Variants in STRIP2 observed in about 807,000 individuals in gnomAD.
STRIP2 encodes striatin-interacting protein 2.
Under a neutral mutation model 107.1 loss-of-function variants are expected in STRIP2, and 84 were observed. That is an observed-to-expected ratio of 0.78 (90% CI 0.66 to 0.94). STRIP2 has a LOEUF of 0.94. Among genes scored for constraint, STRIP2 ranks in the 40% least tolerant of loss-of-function variants. STRIP2 has a pLI of 0.00. For missense variants in STRIP2, 888 were observed against 1,034.2 expected, an observed-to-expected ratio of 0.86 and a Z score of 1.94; for synonymous variants, 394 against 400.4, an observed-to-expected ratio of 0.98 and a Z score of 0.19.
At chr7:129,459,668 T>A (rs1357875066) in intron 12 of STRIP2, 88 bp downstream of exon 12, 1 of 1,108,410 alleles carries the variant, frequency 9.0e-7, no homozygotes, top group Non-Finnish European at 1.4e-6. Context: ...GGTGGGGCTT[T>A]TATACCAGAC....
intron 13 of STRIP2, among the ~76,000 whole-genome samples, chr7:129,462,144 A>G (rs1418834990): frequency 6.6e-6 from 1 of 152,178 alleles, no homozygotes; most frequent in Admixed American, 6.5e-5. Context: ...TTGAGGAGAG[A>G]GAAGATGGTA....
In STRIP2 at chr7:129,457,163, A is replaced by G. The variant is rs1798386498; in HGVS notation, c.1038+521A>G. 2.0e-5 allele frequency among the ~76,000 whole-genome samples: 3 copies of G among 152,346 alleles called. 1 individual carries two copies. The South Asian group carries it at 6.2e-4, about 32-fold the overall frequency. On this transcript the variant is annotated intron_variant, in intron 9 of 20. Transcript: ENST00000249344. ...ATGTGACACTAAACGACAGGGATAC[A>G]ATCTGAAAAATGTGTCATTATGCAA...
chr7:129,440,139 G>C, intron 2 of STRIP2, 48 bp downstream of exon 2: 1 of 1,516,314 alleles, frequency 6.6e-7, no homozygotes, highest in Non-Finnish European at 9.2e-7. Flanking sequence ...GCCAGGAGGA[G>C]AGGGAAGGGG....
chr7:129,480,825 T>G lies in STRIP2; in HGVS notation c.1985T>G (p.Phe662Cys), dbSNP rs1450442983. The G allele has an allele frequency of 3.1e-6, 5 of 1,614,012 alleles. No individual in the cohort carries two copies. The East Asian group carries it at 1.1e-4, about 36-fold the overall frequency. The change falls in exon 19 of 21, where the codon TTT becomes TGT. Residue 662 changes from phenylalanine (F) to cysteine (C), a missense_variant. By Grantham distance (205) the Phe-to-Cys change is radical (BLOSUM62 -2). Transcript: ENST00000249344. ...AGCCAGTTCTGCTGGAGGAACCTCT[T>G]TTCCTGCATCAACCTCCTGAGGCTG... ...DNSQFCWRNL[F>C]SCINLLRLLN...
At chr7:129,460,277 T>G (rs747200415) in intron 12 of STRIP2, 24 bp from the exon 13 acceptor site, 2 of 1,608,718 alleles carry the variant, frequency 1.2e-6, no homozygotes, top group South Asian at 2.2e-5. Context: ...TCAGCCCTTG[T>G]TGATGTCTTC....
At chr7:129,454,237 A>G (rs1175264665) in intron 6 of STRIP2, 27 bp downstream of exon 6, 1 of 1,610,464 alleles carries the variant, frequency 6.2e-7, no homozygotes, top group Non-Finnish European at 8.5e-7. Flanking sequence ...ATGGGCTTGG[A>G]ACAGGGCAGA....
chr7:129,437,154 T>C (rs191229134), intron 1 of STRIP2, among the ~76,000 whole-genome samples: 14 of 152,268 alleles, frequency 9.2e-5, no homozygotes, highest in African/African-American at 3.4e-4. Flanking sequence ...TTTTAAGAAA[T>C]AAAGCCAGCA....
chr7:129,473,595 C>A (rs562108510), intron 18 of STRIP2, among the ~76,000 whole-genome samples: 40 of 152,354 alleles, frequency 2.6e-4, no homozygotes, highest in African/African-American at 8.7e-4. Context: ...ATCTTGAACT[C>A]CTGGGCTCAA....
Position 129,485,885 on chromosome 7 carries a change from T to C in STRIP2, c.*56T>C. On this transcript the variant is annotated 3_prime_UTR_variant, in exon 21 of 21. Transcript: ENST00000249344. The stretch of plus-strand genomic sequence containing the variant: ...AGAGGTCAGCTCCAATAAACTGTGC[T>C]CTGCCTACCCTGTCCATACAGGCGC... The C allele has an allele frequency of 4.4e-6, 7 of 1,599,684 alleles. No homozygotes were observed. Among genetic ancestry groups the C allele is most frequent in the Non-Finnish European group, 6.0e-6 (7 of 1,173,516 alleles).
At chr7:129,441,747 T>A (rs902961103) in intron 2 of STRIP2, among the ~76,000 whole-genome samples, 1 of 151,644 alleles carries the variant, frequency 6.6e-6, no homozygotes, top group Non-Finnish European at 1.5e-5. Context: ...TGTGCCACCA[T>A]GTCCAGCTAA....
At position 129,487,576 on chromosome 7, in the gene STRIP2, A is replaced by G. The variant is rs145975487; in HGVS notation, c.*1747A>G. 2 of 152,336 alleles carry G rather than the reference A, an allele frequency of 1.3e-5. No homozygotes were observed. Among genetic ancestry groups the G allele is most frequent in the African/African-American group, 4.8e-5 (2 of 41,586 alleles). 9.4% of individuals were successfully genotyped at this position (152,336 alleles called of 1,614,324 possible). ...TTAAAGTACCAGGATTTCTGTCTCT[A>G]TGGATAGGTCTTGGAGAATGTTAAG... On this transcript the variant is annotated 3_prime_UTR_variant, in exon 21 of 21. Transcript: ENST00000249344.
At chr7:129,467,755 C>T (rs1206025643) in intron 17 of STRIP2, among the ~76,000 whole-genome samples, 1 of 152,054 alleles carries the variant, frequency 6.6e-6, no homozygotes, top group African/African-American at 2.4e-5. Context: ...TGTGAAACAA[C>T]CTGCTTGTCT....
At chr7:129,460,004 C>A (rs1331922529) in intron 12 of STRIP2, among the ~76,000 whole-genome samples, 1 of 152,132 alleles carries the variant, frequency 6.6e-6, no homozygotes, top group Non-Finnish European at 1.5e-5. Context: ...GGTCCAGGGG[C>A]AGGGGCCTGT....
rs147890152 is a variant in STRIP2, at chr7:129,450,265, G to T, written c.275-1348G>T. Among the ~76,000 whole-genome samples, 750 of 152,206 alleles carry T rather than the reference G, an allele frequency of 4.9e-3. 6 individuals are homozygous for T. The highest frequency in any genetic ancestry group is 0.017 in the African/African-American group (696 of 41,500). On this transcript the variant is annotated intron_variant, in intron 3 of 20. Transcript: ENST00000249344. ...TAGTCAGGGTTCTCTTAGAGGGATA[G>T]AACTAATAGGAAATATATATATATT...
At chr7:129,446,280 A>G (rs1434189529) in intron 3 of STRIP2, among the ~76,000 whole-genome samples, 2 of 152,170 alleles carry the variant, frequency 1.3e-5, no homozygotes, top group Non-Finnish European at 2.9e-5. Context: ...ACTGGTGAAC[A>G]CTCACATGGA....
intron 1 of STRIP2, among the ~76,000 whole-genome samples, chr7:129,435,640 G>A (rs1372139648): frequency 6.6e-6 from 1 of 152,184 alleles, no homozygotes; most frequent in African/African-American, 2.4e-5. Context: ...TCATCTGTAA[G>A]ATGAGATTAA....
At chr7:129,452,193 A>ATT (rs1345505476) in intron 4 of STRIP2, among the ~76,000 whole-genome samples, 1 of 152,176 alleles carries the variant, frequency 6.6e-6, no homozygotes, top group Admixed American at 6.5e-5. Flanking sequence ...AGTTCAAGCC[A>ATT]ACATAACTGC....
chr7:129,446,785 T>A (rs1316383626), intron 3 of STRIP2, among the ~76,000 whole-genome samples: 1 of 152,158 alleles, frequency 6.6e-6, no homozygotes, highest in East Asian at 1.9e-4. Flanking sequence ...AGGACCTGCT[T>A]GAGCCCGATC....
chr7:129,448,632 A>G (rs906987423), intron 3 of STRIP2, among the ~76,000 whole-genome samples: 1 of 152,190 alleles, frequency 6.6e-6, no homozygotes, highest in Non-Finnish European at 1.5e-5. Context: ...AAACACTGTG[A>G]TTAATTAGCC....
Sources: allele counts gnomAD v4.1 joint callset (sites outside exome capture counted in the v4.1 genomes callset), GRCh38; gene constraint gnomAD v4.1.1; transcripts MANE v1.5; gene names NCBI Gene and HGNC (gene_info 2026-07-23, HGNC 2026-07-21).